The following ITGA9 variants were observed in gnomAD, a reference collection of about 807,000 sequenced individuals.
The protein encoded by ITGA9 is integrin subunit alpha 9, also known as integrin alpha-9.
In ITGA9, 56 loss-of-function variants were observed where a neutral mutation model predicts 127.8. The observed-to-expected ratio is 0.44, with a 90% confidence interval of 0.35 to 0.55. The LOEUF (loss-of-function observed/expected upper bound fraction) is 0.55. Ranked by LOEUF, ITGA9 falls within the 20% of genes least tolerant of loss-of-function variation. ITGA9 has a pLI of 0.00. For synonymous variants in ITGA9, 508 were observed against 514.5 expected (o/e 0.99, Z 0.17); for missense variants, 1,196 against 1,347.1 (o/e 0.89, Z 1.76).
intron 15 of ITGA9, among the ~76,000 whole-genome samples, chr3:37,568,437 C>T (rs943468114): frequency 6.6e-6 from 1 of 152,244 alleles, no homozygotes; most frequent in Admixed American, 6.5e-5. Flanking sequence ...ACATTTGGCT[C>T]CTCAGTACTT....
intron 1 of ITGA9, among the ~76,000 whole-genome samples, chr3:37,457,517 A>C (rs1698273974): frequency 6.6e-6 from 1 of 152,128 alleles, no homozygotes. Context: ...TCATAACCTC[A>C]GTGGTGAGCA....
chr3:37,702,594 A>T (rs1179261582), intron 18 of ITGA9, among the ~76,000 whole-genome samples: 1 of 152,110 alleles, frequency 6.6e-6, no homozygotes, highest in Non-Finnish European at 1.5e-5. Flanking sequence ...AGGGAAAAAA[A>T]AATGAGGTGG....
intron 17 of ITGA9, among the ~76,000 whole-genome samples, chr3:37,667,444 C>G (rs932985450): frequency 6.6e-6 from 1 of 152,176 alleles, no homozygotes; most frequent in African/African-American, 2.4e-5. Flanking sequence ...AGGACAGCAG[C>G]AAAGGCAGAT....
At chr3:37,545,845 A>G (rs76743235) in intron 15 of ITGA9, among the ~76,000 whole-genome samples, 5,829 of 152,224 alleles carry the variant, frequency 0.038, 126 homozygotes, top group Non-Finnish European at 0.051. Context: ...ATCTTCTGCC[A>G]CCACATCCCC....
intron 18 of ITGA9, 87 bp from the exon 19 acceptor site, chr3:37,732,625 C>A (rs1696306676): frequency 1.0e-6 from 1 of 979,440 alleles, no homozygotes; most frequent in Non-Finnish European, 1.6e-6. Flanking sequence ...GAGCACTGCT[C>A]TGAAGGACTC....
intron 15 of ITGA9, among the ~76,000 whole-genome samples, chr3:37,550,972 A>G (rs1270781163): frequency 2.0e-5 from 3 of 152,192 alleles, no homozygotes; most frequent in African/African-American, 7.2e-5. Flanking sequence ...ATGTTTGTTA[A>G]TAAGTTGGTC....
chr3:37,757,750 C>G (rs2685088), intron 23 of ITGA9, among the ~76,000 whole-genome samples: 4 of 151,532 alleles, frequency 2.6e-5, no homozygotes, highest in Non-Finnish European at 4.4e-5. Context: ...ACTAGACTAT[C>G]TTAGAAAAAA....
chr3:37,637,747 A>G (rs1161988695), intron 16 of ITGA9, among the ~76,000 whole-genome samples: 1 of 152,156 alleles, frequency 6.6e-6, no homozygotes, highest in East Asian at 1.9e-4. Flanking sequence ...AACTCGGCCC[A>G]CTGTAACCTC....
At position 37,506,079 on chromosome 3, in the gene ITGA9, C is replaced by T. The variant is rs142430767; in HGVS notation, c.822C>T (p.Ile274=). 4.0e-5 allele frequency: 64 copies of T among 1,606,116 alleles called. No individual in the cohort carries two copies. Among genetic ancestry groups the T allele is most frequent in the Admixed American group, 1.7e-4 (10 of 59,310 alleles). Residue 274 remains isoleucine, a synonymous_variant, in exon 7 of 28, where the codon ATC becomes ATT. Coordinates refer to ENST00000264741, the MANE Select transcript of ITGA9 (RefSeq NM_002207.3). ...GAGGTGCCCCACAGGACAAAGGCAT[C>T]GGCAAGGTGAGGAGAAACATCTGTG... ...VVGGAPQDKG[I]GKVYIFRADR... is the part of the protein sequence containing the mutation.
At chr3:37,692,645 A>G (rs147769358) in intron 18 of ITGA9, among the ~76,000 whole-genome samples, 13 of 151,422 alleles carry the variant, frequency 8.6e-5, no homozygotes, top group Admixed American at 2.0e-4. Context: ...TTTTCCATTT[A>G]CTTACCATTT....
intron 1 of ITGA9, among the ~76,000 whole-genome samples, chr3:37,466,483 CAAAAAA>C (rs60980366): frequency 7.7e-5 from 2 of 26,066 alleles, no homozygotes; most frequent in Non-Finnish European, 1.2e-4. Context: ...GACACCATCT[CAAAAAA>C]AAAAAAAAAA....
intron 15 of ITGA9, among the ~76,000 whole-genome samples, chr3:37,614,481 G>GT (rs1700055572): frequency 6.6e-6 from 1 of 152,170 alleles, no homozygotes. Context: ...CTTGAAAGTA[G>GT]TTTTTTCCAA....
In ITGA9 at chr3:37,510,481, C is replaced by G. The variant is rs372457919; in HGVS notation, c.897+1854C>G. ...ACAATCTGTAATTGTGCCCTCTCTC[C>G]TCCTTGAAAACCTCTTGGTTTGGAT... On this transcript the variant is annotated intron_variant, in intron 8 of 27. Coordinates refer to ENST00000264741, the MANE Select transcript of ITGA9 (RefSeq NM_002207.3). Among the ~76,000 whole-genome samples the G allele has an allele frequency of 9.3e-4, 142 of 152,210 alleles. 1 individual carries two copies. The highest frequency in any genetic ancestry group is 3.2e-3 in the African/African-American group (133 of 41,540).
chr3:37,653,785 C>T lies in ITGA9; in HGVS notation c.1911C>T (p.Leu637=). ...ADLQLQGKLL[L]SSMDEKTLYL... ...TGCAGCTTCAGGGTAAACTGCTGCT[C>T]TCCAGGTATGTCGGTGTTTCCTTCA... The change falls in exon 17 of 28, where the codon CTC becomes CTT. Residue 637 remains leucine (L), a synonymous_variant. Transcript: ENST00000264741. 6.2e-7 allele frequency: 1 copy of T among 1,611,866 alleles called. No individual in the cohort carries two copies. The highest frequency in any genetic ancestry group is 1.1e-5 in the South Asian group (1 of 91,036).
rs181183033 is a variant in ITGA9 at position 37,455,524 on chromosome 3, G to A, written c.185+2965G>A. 3.7e-3 allele frequency among the ~76,000 whole-genome samples: 558 copies of A among 152,170 alleles called. 3 individuals are homozygous for A. Among genetic ancestry groups the A allele is most frequent in the African/African-American group, 0.013 (535 of 41,512 alleles). On this transcript the variant is annotated intron_variant, in intron 1 of 27. Transcript: ENST00000264741. ...TGAAAGAGTATAGAACCTACATGGG[G>A]GTGACTTAAAAGGATCACAAATACT...
At chr3:37,458,724 G>C (rs1010901258) in intron 1 of ITGA9, among the ~76,000 whole-genome samples, 2 of 152,220 alleles carry the variant, frequency 1.3e-5, no homozygotes, top group African/African-American at 4.8e-5. Context: ...GATCATCTTT[G>C]CTCATACCTC....
intron 18 of ITGA9, among the ~76,000 whole-genome samples, chr3:37,700,905 C>T (rs1700939080): frequency 1.3e-5 from 2 of 152,200 alleles, no homozygotes; most frequent in Non-Finnish European, 2.9e-5. Context: ...AATTCCTTAT[C>T]TCCCGGAAAA....
chr3:37,674,422 C>G (rs73824868), intron 17 of ITGA9, among the ~76,000 whole-genome samples: 8,952 of 152,230 alleles, frequency 0.059, 807 homozygotes, highest in African/African-American at 0.19. Context: ...AGAGCAGCCT[C>G]TTACAGGAGT....
In ITGA9 at chr3:37,519,323, A is replaced by T; in HGVS notation, c.1205A>T (p.Asp402Val). The change falls in exon 11 of 28, where the codon GAT (aspartate) becomes GTT (valine). Residue 402 changes from aspartate to valine, a missense_variant. By Grantham distance (152) the Asp-to-Val change is radical. Coordinates refer to ENST00000264741, the MANE Select transcript of ITGA9 (RefSeq NM_002207.3). ...GGGGCGGTCTATATCTATCATGGTGATGCCGGTGGGATAGTCCCTCAGTAC... is the reference window on the plus strand; with the variant it reads ...GGGGCGGTCTATATCTATCATGGTGTTGCCGGTGGGATAGTCCCTCAGTAC... ...FAGAVYIYHG[D>V]AGGIVPQYSM... 1 of 1,614,116 alleles carries T rather than the reference A, an allele frequency of 6.2e-7. No homozygotes were observed. Among genetic ancestry groups the T allele is most frequent in the Non-Finnish European group, 8.5e-7 (1 of 1,179,980 alleles).
Sources: allele counts gnomAD v4.1 joint callset (sites outside exome capture counted in the v4.1 genomes callset), GRCh38; gene constraint gnomAD v4.1.1; transcripts MANE v1.5; gene names NCBI Gene and HGNC (gene_info 2026-07-23, HGNC 2026-07-21).